Variants in ANKS1B observed in about 807,000 individuals in gnomAD.
The protein encoded by ANKS1B is ankyrin repeat and sterile alpha motif domain-containing protein 1B.
A neutral mutation model predicts 148.3 loss-of-function variants in ANKS1B; 36 were observed. That is an observed-to-expected ratio of 0.24 (90% CI 0.19 to 0.32). ANKS1B has a LOEUF of 0.32. Ranked by LOEUF, ANKS1B falls within the 10% of genes least tolerant of loss-of-function variation. The pLI is 1.00. For missense variants in ANKS1B, 1,157 were observed against 1,542.6 expected, an observed-to-expected ratio of 0.75 and a Z score of 4.19; for synonymous variants, 542 against 560.8, an observed-to-expected ratio of 0.97 and a Z score of 0.47.
intron 16 of ANKS1B, among the ~76,000 whole-genome samples, chr12:99,076,978 A>G (rs762045262): frequency 5.3e-5 from 8 of 152,176 alleles, no homozygotes; most frequent in Non-Finnish European, 8.8e-5. Flanking sequence ...ATGGCTTTTC[A>G]CAGAAAAAGT....
At chr12:98,893,712 C>T (rs892134724) in intron 17 of ANKS1B, 14 of 152,240 alleles carry the variant, frequency 9.2e-5, no homozygotes, top group Non-Finnish European at 2.9e-5. Flanking sequence ...AGCAGCACCG[C>T]GACTGAATTT....
At chr12:98,735,625 G>C in exon 10 of ANKS1B, 1 of 770,348 alleles carries the variant, frequency 1.3e-6, no homozygotes, top group South Asian at 1.4e-5. Context: ...TGGCTGGCAT[G>C]AAGAAGATCC....
intron 12 of ANKS1B, among the ~76,000 whole-genome samples, chr12:99,293,727 T>C (rs1466431791): frequency 6.6e-6 from 1 of 152,136 alleles, no homozygotes; most frequent in Non-Finnish European, 1.5e-5. Flanking sequence ...ATTACCAAAG[T>C]GAAGAGGCAT....
chr12:99,806,885 A>T (rs557947624), intron 3 of ANKS1B, among the ~76,000 whole-genome samples, 185 bp from the exon 4 acceptor site: 77 of 147,652 alleles, frequency 5.2e-4, no homozygotes, highest in African/African-American at 1.7e-3. Context: ...TCAAAAAAAA[A>T]TTTTTTATAT....
intron 8 of ANKS1B, among the ~76,000 whole-genome samples, chr12:99,722,992 T>C (rs11110015): frequency 0.26 from 39,943 of 152,082 alleles, 6,454 homozygotes; most frequent in East Asian, 0.51. Context: ...TGGGAAACCA[T>C]GCTTTTTCCA....
chr12:99,301,238 C>T (rs2081558571), intron 12 of ANKS1B, among the ~76,000 whole-genome samples: 2 of 152,158 alleles, frequency 1.3e-5, no homozygotes, highest in African/African-American at 4.8e-5. Flanking sequence ...TGTCTTTACT[C>T]AGTGTACTGA....
At chr12:99,384,370 A>C (rs2093772478) in intron 12 of ANKS1B, among the ~76,000 whole-genome samples, 1 of 152,132 alleles carries the variant, frequency 6.6e-6, no homozygotes, top group South Asian at 2.1e-4. Context: ...ATCTACCATC[A>C]AAATTGTCAT....
At position 99,241,769 on chromosome 12, in the gene ANKS1B, A is replaced by G. The variant is rs529617289; in HGVS notation, c.2419+2573T>C. On this transcript the variant is annotated intron_variant, in intron 14 of 26. Transcript: ENST00000683438. ...ATACACAAATCAATAAATGTAATCC[A>G]TCACATAAACAGAACCAACAACAAA... is the stretch of plus-strand genomic sequence containing the variant. 8.5e-5 allele frequency among the ~76,000 whole-genome samples: 13 copies of G among 152,350 alleles called. No individual in the cohort carries two copies. In the South Asian group the frequency reaches 2.7e-3, roughly 32 times the overall value.
chr12:99,334,414 G>C (rs538287180), intron 12 of ANKS1B, among the ~76,000 whole-genome samples: 1 of 152,158 alleles, frequency 6.6e-6, no homozygotes, highest in African/African-American at 2.4e-5. Context: ...TAGCCAGAAT[G>C]GAAGCTGCCC....
intron 12 of ANKS1B, among the ~76,000 whole-genome samples, chr12:99,314,992 C>T (rs1285519109): frequency 6.6e-6 from 1 of 152,038 alleles, no homozygotes; most frequent in East Asian, 1.9e-4. Flanking sequence ...CACCTGTAAT[C>T]CCAGCACTTT....
intron 1 of ANKS1B, among the ~76,000 whole-genome samples, chr12:99,950,628 C>T (rs1351336711): frequency 6.6e-6 from 1 of 151,862 alleles, no homozygotes; most frequent in Non-Finnish European, 1.5e-5. Context: ...TTTCATTTAC[C>T]TATCACTATT....
intron 17 of ANKS1B, among the ~76,000 whole-genome samples, chr12:98,991,334 G>A (rs1413398372): frequency 6.6e-6 from 1 of 152,222 alleles, no homozygotes; most frequent in Non-Finnish European, 1.5e-5. Flanking sequence ...AGGGTACACA[G>A]AAGGGGACTT....
chr12:99,473,630 A>T (rs1272373655), intron 10 of ANKS1B, among the ~76,000 whole-genome samples: 2 of 152,074 alleles, frequency 1.3e-5, no homozygotes, highest in Non-Finnish European at 2.9e-5. Flanking sequence ...TCTTTCTAGT[A>T]GATGGAAATA....
chr12:99,890,406 T>C (rs1289157149), intron 1 of ANKS1B, among the ~76,000 whole-genome samples: 1 of 152,200 alleles, frequency 6.6e-6, no homozygotes, highest in Non-Finnish European at 1.5e-5. Context: ...TACCTGGCTT[T>C]CCAGCCTGCC....
intron 16 of ANKS1B, among the ~76,000 whole-genome samples, chr12:99,067,645 T>C (rs1056808848): frequency 6.6e-6 from 1 of 152,116 alleles, no homozygotes; most frequent in Non-Finnish European, 1.5e-5. Flanking sequence ...TTAGAAGGAA[T>C]TTCAGTAAGG....
In ANKS1B at chr12:98,875,409, C is replaced by T. The variant is rs116481949; in HGVS notation, c.2779-43273G>A. ...GTGTTCAAGCCCTTGAGGATCTGGTCCCTTCTGATCTCTTTAGCTCCTTCT... is the reference window on the plus strand; with the variant it reads ...GTGTTCAAGCCCTTGAGGATCTGGTTCCTTCTGATCTCTTTAGCTCCTTCT... On this transcript the variant is annotated intron_variant, in intron 17 of 26. Transcript: ENST00000683438. Among the ~76,000 whole-genome samples, 287 of 152,244 alleles carry T rather than the reference C, an allele frequency of 1.9e-3. 3 individuals are homozygous for T. Among genetic ancestry groups the T allele is most frequent in the African/African-American group, 6.5e-3 (269 of 41,556 alleles).
intron 10 of ANKS1B, among the ~76,000 whole-genome samples, chr12:99,450,749 T>C (rs555438165): frequency 5.9e-4 from 90 of 152,328 alleles, no homozygotes; most frequent in Non-Finnish European, 1.1e-3. Context: ...CTTAGCTTAA[T>C]GCAATCCTTT....
intron 17 of ANKS1B, among the ~76,000 whole-genome samples, chr12:99,004,668 TG>T (rs1000517430): frequency 2.1e-5 from 3 of 144,934 alleles, no homozygotes; most frequent in Non-Finnish European, 4.5e-5. Flanking sequence ...GGGTGCTGGG[TG>T]GGGGGGAAAA....
chr12:99,828,908 A>G (rs1378857268), intron 1 of ANKS1B, among the ~76,000 whole-genome samples: 3 of 151,974 alleles, frequency 2.0e-5, no homozygotes, highest in Admixed American at 1.3e-4. Flanking sequence ...GACTGAACCC[A>G]GGAGGCGGAA....
Sources: gnomAD v4.1 joint callset for allele counts (sites outside exome capture counted in the v4.1 genomes callset) on GRCh38, gnomAD v4.1.1 for gene constraint, MANE v1.5 for transcripts, NCBI Gene and HGNC (gene_info 2026-07-23, HGNC 2026-07-21) for gene names.